The following ACACB variants were observed in gnomAD, a reference collection of about 807,000 sequenced individuals.
ACACB encodes the protein acetyl-CoA carboxylase 2.
Under a neutral mutation model 278.8 loss-of-function variants are expected in ACACB, and 209 were observed. The ratio of observed to expected loss-of-function variants is 0.75; its 90% CI spans 0.67 to 0.84. The LOEUF is 0.84. Among genes scored for constraint, ACACB ranks in the 40% least tolerant of loss-of-function variants. ACACB has a pLI of 0.00. For synonymous variants in ACACB, 1,174 were observed against 1,285.6 expected (o/e 0.91, Z 1.86); for missense variants, 2,850 against 3,269.0 (o/e 0.87, Z 3.13).
At chr12:109,131,688 A>G (rs1048335423) in intron 1 of ACACB, among the ~76,000 whole-genome samples, 8 of 151,694 alleles carry the variant, frequency 5.3e-5, no homozygotes, top group African/African-American at 1.7e-4. Flanking sequence ...GGCCACGATC[A>G]CTCTTTCAAC....
At chr12:109,167,070 A>G (rs1255920102) in intron 3 of ACACB, 77 bp downstream of exon 3, 3 of 1,593,118 alleles carry the variant, frequency 1.9e-6, no homozygotes, top group South Asian at 2.2e-5. Flanking sequence ...GAGGTGGGAG[A>G]TTCGGGTTCA....
chr12:109,210,464 CGCACATACATGT>C (rs2045793900), intron 21 of ACACB, among the ~76,000 whole-genome samples: 1 of 145,058 alleles, frequency 6.9e-6, no homozygotes, highest in Non-Finnish European at 1.5e-5. Context: ...TGTATATATA[CGCACATACATGT>C]GTATATGTGT....
chr12:109,124,992 G>A (rs185039367), intron 1 of ACACB, among the ~76,000 whole-genome samples: 2 of 152,264 alleles, frequency 1.3e-5, no homozygotes, highest in South Asian at 2.1e-4. Flanking sequence ...GGCATTACAG[G>A]CATGAGCCAC....
At chr12:109,161,375 T>G (rs1259684100) in intron 2 of ACACB, among the ~76,000 whole-genome samples, 1 of 151,970 alleles carries the variant, frequency 6.6e-6, no homozygotes. Flanking sequence ...AAACCCCGTC[T>G]CTACTAAAAA....
intron 20 of ACACB, among the ~76,000 whole-genome samples, chr12:109,207,975 C>G (rs934820402): frequency 2.6e-5 from 4 of 152,108 alleles, no homozygotes; most frequent in African/African-American, 7.2e-5. Flanking sequence ...CCACCGTGCC[C>G]GCTGTGTCAC....
In ACACB at chr12:109,246,205, G is replaced by A. The variant is rs368375713; in HGVS notation, c.5328G>A (p.Arg1776=). ...TGGGCATGGTGGCCTTCAAAATGAG[G>A]TTTAAGACCCAGGAGTACCCGGAAG... The part of the protein sequence containing the change: ...NEVGMVAFKM[R]FKTQEYPEGR... The change falls in exon 39 of 53, where the codon AGG becomes AGA. Residue 1776 remains arginine (R), a synonymous_variant. Coordinates refer to ENST00000338432, the MANE Select transcript of ACACB (RefSeq NM_001093.4). 7 of 1,613,752 alleles carry A rather than the reference G, an allele frequency of 4.3e-6. No homozygotes were observed. The African/African-American group carries it at 8.0e-5, about 18-fold the overall frequency.
At chr12:109,158,562 G>A (rs563777197) in intron 2 of ACACB, among the ~76,000 whole-genome samples, 1 of 152,286 alleles carries the variant, frequency 6.6e-6, no homozygotes, top group South Asian at 2.1e-4. Context: ...TGCAGTCCCA[G>A]CTACTCAGGA....
Position 109,160,089 on chromosome 12 carries a change from CA to C in ACACB, c.654-6756del, listed in dbSNP as rs55905665. On this transcript the variant is annotated intron_variant, in intron 2 of 52. Transcript: ENST00000338432. ...TGGGTGACAGAGCTAGACTCTGTCT[CA>C]AAAAAAAAAAAAAAACCAACCAACC... is the stretch of plus-strand genomic sequence containing the variant. 2.8e-3 allele frequency among the ~76,000 whole-genome samples: 244 copies of C among 87,972 alleles called. 1 individual carries two copies. The highest frequency in any genetic ancestry group is 7.4e-3 in the Middle Eastern group (1 of 136). 57.7% of individuals were successfully genotyped at this position (87,972 alleles called of 152,430 possible).
At chr12:109,129,216 G>A (rs150854893) in intron 1 of ACACB, among the ~76,000 whole-genome samples, 6 of 152,308 alleles carry the variant, frequency 3.9e-5, no homozygotes, top group Admixed American at 1.3e-4. Flanking sequence ...TAGAGTTTGT[G>A]GACAGAAATT....
rs774009369 is a variant in ACACB, at chr12:109,265,467, A to G, written c.7192A>G (p.Thr2398Ala). 1 of 1,613,042 alleles carries G rather than the reference A, an allele frequency of 6.2e-7. No individual in the cohort carries two copies. The highest frequency in any genetic ancestry group is 8.5e-7 in the Non-Finnish European group (1 of 1,179,780). The part of the protein sequence containing the change: ...HWQAGDGPRS[T>A]IRENITYLKH... ...GCAGGCAGGGGATGGCCCGCGCTCCACCATCCGTGAGAACATCACGTACCT... is the reference window on the plus strand; with the variant it reads ...GCAGGCAGGGGATGGCCCGCGCTCCGCCATCCGTGAGAACATCACGTACCT... The change falls in exon 52 of 53, where the codon ACC becomes GCC. Residue 2398 changes from threonine to alanine, a missense_variant. By Grantham distance (58) the Thr-to-Ala change is moderately conservative. This residue lies in a region of ACACB where 579 missense variants were observed against 684.6 expected (regional missense o/e 0.85). Transcript: ENST00000338432.
chr12:109,242,541 C>CCTG lies in ACACB; in HGVS notation c.5128_5129insTGC (p.Ala1709_Gln1710insLeu). On this transcript the variant is annotated inframe_insertion, in exon 37 of 53. Coordinates refer to ENST00000338432, the MANE Select transcript of ACACB (RefSeq NM_001093.4). ...TGCTCCAGGCCAAGCGATTCCAGGCCCAGACCCTGGGAACCACCTACATCT... is the reference window on the plus strand; with the variant it reads ...TGCTCCAGGCCAAGCGATTCCAGGCCCTGCAGACCCTGGGAACCACCTACATCT... 1 of 1,614,190 alleles carries CCTG rather than the reference C, an allele frequency of 6.2e-7. No homozygotes were observed. The highest frequency in any genetic ancestry group is 8.5e-7 in the Non-Finnish European group (1 of 1,180,026).
At chr12:109,147,765 C>CG (rs1246872162) in intron 2 of ACACB, among the ~76,000 whole-genome samples, 1 of 151,800 alleles carries the variant, frequency 6.6e-6, no homozygotes, top group African/African-American at 2.4e-5. Context: ...TTCTGCATTA[C>CG]GGGGGAATGT....
chr12:109,227,573 A>G, intron 28 of ACACB, 84 bp downstream of exon 28: 1 of 1,365,320 alleles, frequency 7.3e-7, no homozygotes. Context: ...GGACCTGGCA[A>G]GTGTGTTTGG....
intron 27 of ACACB, 146 bp downstream of exon 27, chr12:109,224,050 T>A: frequency 1.3e-6 from 1 of 743,014 alleles, no homozygotes; most frequent in Non-Finnish European, 2.3e-6. Flanking sequence ...AATAGTCCCA[T>A]CTTACAGAGG....
intron 21 of ACACB, among the ~76,000 whole-genome samples, chr12:109,210,477 G>A (rs1327317895): frequency 6.9e-6 from 1 of 145,668 alleles, no homozygotes; most frequent in Non-Finnish European, 1.5e-5. Context: ...ACATACATGT[G>A]TATATGTGTA....
intron 34 of ACACB, among the ~76,000 whole-genome samples, chr12:109,238,650 C>T (rs957910576): frequency 5.4e-5 from 8 of 148,582 alleles, no homozygotes; most frequent in South Asian, 2.1e-4. Context: ...CTGCAACCTC[C>T]GCACCCCCGG....
intron 27 of ACACB, among the ~76,000 whole-genome samples, chr12:109,226,204 A>G (rs1249517513): frequency 6.6e-6 from 1 of 152,078 alleles, no homozygotes; most frequent in East Asian, 1.9e-4. Flanking sequence ...TCAGGAGTTC[A>G]AGGCTGCAGT....
At chr12:109,264,692 C>T (rs1006543390) in intron 50 of ACACB, among the ~76,000 whole-genome samples, 2 of 152,066 alleles carry the variant, frequency 1.3e-5, no homozygotes, top group Non-Finnish European at 2.9e-5. Flanking sequence ...GGACCTGGAC[C>T]AGGGGTAGAA....
In ACACB at chr12:109,260,523, C is replaced by G. The variant is rs769515194; in HGVS notation, c.6540C>G (p.Asp2180Glu). The change falls in exon 48 of 53, where the codon GAC (aspartate) becomes GAG (glutamate). Residue 2180 changes from aspartate to glutamate, a missense_variant. Physicochemically the swap from Asp to Glu is conservative, Grantham distance 45. This residue lies in a region of ACACB where 579 missense variants were observed against 684.6 expected (regional missense o/e 0.85). Coordinates refer to ENST00000338432, the MANE Select transcript of ACACB (RefSeq NM_001093.4). ...QVLKFGAYIV[D>E]GLRQYKQPIL... The stretch of plus-strand genomic sequence containing the variant: ...TGAAGTTTGGAGCCTACATCGTGGA[C>G]GGCCTTAGACAATACAAACAGCCCA... 3.7e-6 allele frequency: 6 copies of G among 1,614,058 alleles called. No homozygotes were observed. The Admixed American group carries it at 5.0e-5, about 13-fold the overall frequency.
Sources: gnomAD v4.1 joint callset for allele counts (sites outside exome capture counted in the v4.1 genomes callset) on GRCh38, gnomAD v4.1.1 for gene constraint, gnomAD v4.1.1 regional missense constraint, MANE v1.5 for transcripts, NCBI Gene and HGNC (gene_info 2026-07-23, HGNC 2026-07-21) for gene names.